PHF21B: variants seen among roughly 807,000 people sequenced by gnomAD.
The protein encoded by PHF21B is PHD finger protein 4.
A neutral mutation model predicts 62.2 loss-of-function variants in PHF21B; 22 were observed. That is an observed-to-expected ratio of 0.35 (90% CI 0.25 to 0.51). The LOEUF (loss-of-function observed/expected upper bound fraction) is 0.51, where lower values mean the gene tolerates loss of function less well. PHF21B is among the 20% of genes least tolerant of loss of function. The pLI, the probability that PHF21B is intolerant of heterozygous loss-of-function variation, is 0.97. For synonymous variants in PHF21B, 341 were observed against 314.7 expected (o/e 1.08, Z -0.88); for missense variants, 701 against 707.9 (o/e 0.99, Z 0.11).
At chr22:44,972,960 C>T (rs1298834807) in intron 2 of PHF21B, among the ~76,000 whole-genome samples, 2 of 152,188 alleles carry the variant, frequency 1.3e-5, no homozygotes, top group African/African-American at 4.8e-5. Flanking sequence ...GGCACACCCT[C>T]CCCGCCATGC....
At chr22:44,980,604 A>AAAT (rs1330030714) in intron 2 of PHF21B, among the ~76,000 whole-genome samples, 1 of 152,224 alleles carries the variant, frequency 6.6e-6, no homozygotes, top group Non-Finnish European at 1.5e-5. Flanking sequence ...AGCCACTGCC[A>AAAT]TCAGAGGCAA....
At chr22:44,953,679 G>A (rs58555150) in intron 2 of PHF21B, among the ~76,000 whole-genome samples, 6,884 of 152,244 alleles carry the variant, frequency 0.045, 509 homozygotes, top group African/African-American at 0.16. Context: ...GCTTCCAGGT[G>A]TGTGGGTGAG....
intron 2 of PHF21B, among the ~76,000 whole-genome samples, chr22:44,976,206 C>G (rs976929461): frequency 3.3e-5 from 5 of 152,208 alleles, no homozygotes; most frequent in African/African-American, 1.2e-4. Flanking sequence ...CACATAACTA[C>G]ATATTCATGG....
intron 2 of PHF21B, among the ~76,000 whole-genome samples, chr22:44,935,903 G>A (rs1302891129): frequency 2.6e-5 from 4 of 152,238 alleles, no homozygotes; most frequent in East Asian, 1.9e-4. Context: ...AACCTCGCAC[G>A]AACCCACTCT....
chr22:45,009,575 G>T lies in PHF21B; in HGVS notation c.-26C>A. 6.5e-7 allele frequency: 1 copy of T among 1,549,766 alleles called. No individual in the cohort carries two copies. The highest frequency in any genetic ancestry group is 8.6e-7 in the Non-Finnish European group (1 of 1,159,000). On this transcript the variant is annotated 5_prime_UTR_variant, in exon 1 of 13. Coordinates refer to ENST00000313237, the MANE Select transcript of PHF21B (RefSeq NM_138415.5). This position sits in a 1 kb window ranked among gnomAD's most constrained non-coding sequence, Gnocchi z 5.9. The stretch of plus-strand genomic sequence containing the variant: ...CCCGGCAACTTGGGCAGCACTTTGC[G>T]CTCACTTTGGCCCGGGCTCCCGGGA...
intron 2 of PHF21B, among the ~76,000 whole-genome samples, chr22:44,944,335 C>T (rs1318689901): frequency 1.3e-5 from 2 of 152,180 alleles, no homozygotes; most frequent in African/African-American, 4.8e-5. Flanking sequence ...CAGGAGCCAC[C>T]GCCCAGGAGC....
At position 44,982,136 on chromosome 22, in the gene PHF21B, C is replaced by T. The variant is rs548483597; in HGVS notation, c.120+26409G>A. Among the ~76,000 whole-genome samples, 4 of 152,344 alleles carry T rather than the reference C, an allele frequency of 2.6e-5. No individual in the cohort carries two copies. The East Asian group carries it at 7.7e-4, about 29-fold the overall frequency. On this transcript the variant is annotated intron_variant, in intron 2 of 12. Transcript: ENST00000313237. ...CTCTCCTGGTTCTGCCAGGACTGGC[C>T]CAGACTAAGTCACTTCTCCATTCTC...
chr22:44,932,823 A>G (rs1046930915), intron 2 of PHF21B, among the ~76,000 whole-genome samples: 1 of 152,210 alleles, frequency 6.6e-6, no homozygotes, highest in Non-Finnish European at 1.5e-5. Context: ...CCCCATCCCC[A>G]ACCCCTGGCC....
At position 44,966,318 on chromosome 22, in the gene PHF21B, A is replaced by C. The variant is rs371312282; in HGVS notation, c.120+42227T>G. ...GGAGTCTCCAGCCCCTTTTTGAGAG[A>C]AGTCTGAACCTTGTCGGGTGCAGGC... On this transcript the variant is annotated intron_variant, in intron 2 of 12. Transcript: ENST00000313237. 8.5e-5 allele frequency among the ~76,000 whole-genome samples: 13 copies of C among 152,314 alleles called. No individual in the cohort carries two copies. In the East Asian group the frequency reaches 2.5e-3, roughly 29 times the overall value.
In PHF21B at chr22:44,914,096, G is replaced by T; in HGVS notation, c.565-8C>A. On this transcript the variant is annotated splice_region_variant and splice_polypyrimidine_tract_variant and intron_variant, in intron 4 of 12. Coordinates refer to ENST00000313237, the MANE Select transcript of PHF21B (RefSeq NM_138415.5). ...GAGGAGGCGTGGAGGAGGCTGGAGA[G>T]CGAGGGTGAGGGGCACAGGGAGGAA... The T allele has an allele frequency of 2.3e-6, 2 of 867,134 alleles. No homozygotes were observed. The highest frequency in any genetic ancestry group is 1.8e-5 in the South Asian group (1 of 56,162). The allele number at this position is 867,134 out of a possible 1,614,324, so 53.7% of individuals were successfully genotyped here.
chr22:44,924,894 G>A (rs2071601289), intron 2 of PHF21B, among the ~76,000 whole-genome samples: 1 of 152,146 alleles, frequency 6.6e-6, no homozygotes, highest in Non-Finnish European at 1.5e-5. Context: ...GCACAAATGG[G>A]AAGCAACCCA....
intron 2 of PHF21B, among the ~76,000 whole-genome samples, chr22:44,991,184 G>A (rs2073037407): frequency 6.6e-6 from 1 of 152,180 alleles, no homozygotes; most frequent in Non-Finnish European, 1.5e-5. Context: ...GTGCACCAAG[G>A]GGATTAAGTT....
Position 44,956,822 on chromosome 22 carries a change from TG to T in PHF21B, c.121-36333del, listed in dbSNP as rs538707287. On this transcript the variant is annotated intron_variant, in intron 2 of 12. Transcript: ENST00000313237. ...AAGGGACAGAGGCCCCTCCACGCGG[TG>T]GGCTCTCCCTCCTCCTCCGACCTCC... Among the ~76,000 whole-genome samples the T allele has an allele frequency of 1.6e-3, 238 of 152,318 alleles. 1 individual carries two copies. The highest frequency in any genetic ancestry group is 1.9e-3 in the Non-Finnish European group (132 of 68,020).
At chr22:44,937,723 C>T (rs2071877527) in intron 2 of PHF21B, among the ~76,000 whole-genome samples, 1 of 152,240 alleles carries the variant, frequency 6.6e-6, no homozygotes. Flanking sequence ...CTGTGGGACC[C>T]CCACGCCACG....
At chr22:44,949,385 C>G (rs2072149614) in intron 2 of PHF21B, among the ~76,000 whole-genome samples, 1 of 151,814 alleles carries the variant, frequency 6.6e-6, no homozygotes, top group African/African-American at 2.4e-5. Flanking sequence ...GGCCCTGGCT[C>G]TATCTCTTTC....
intron 2 of PHF21B, among the ~76,000 whole-genome samples, chr22:44,923,150 T>C (rs1251780524): frequency 1.3e-5 from 2 of 152,112 alleles, no homozygotes; most frequent in Non-Finnish European, 2.9e-5. Context: ...AATAGATCAA[T>C]GGAACAGAAC....
intron 2 of PHF21B, among the ~76,000 whole-genome samples, chr22:44,940,389 T>G (rs1470488569): frequency 6.6e-6 from 1 of 152,248 alleles, no homozygotes; most frequent in East Asian, 1.9e-4. Context: ...CAGGCACCCC[T>G]TGTCCATGCA....
At chr22:44,915,485 C>A (rs574177739) in intron 4 of PHF21B, among the ~76,000 whole-genome samples, 2 of 152,360 alleles carry the variant, frequency 1.3e-5, no homozygotes, top group Admixed American at 1.3e-4. Context: ...GATACACCTG[C>A]CATCCCACCA....
rs755812077 is a variant in PHF21B at position 44,916,470 on chromosome 22, G to A, written c.374C>T (p.Ala125Val). Residue 125 changes from alanine (A) to valine (V), a missense_variant, in exon 4 of 13, where the codon GCG (alanine) becomes GTG (valine). Ala to Val is a moderately conservative substitution (Grantham distance 64). Transcript: ENST00000313237. Reference protein sequence around the residue: ...TANNTVSHVPAPGSQPQALAE... With the variant: ...TANNTVSHVPVPGSQPQALAE... ...GAGGGCCTGGGGCTGGCTGCCGGGC[G>A]CTGGCACATGGCTGACAGTGTTGTT... 1.5e-5 allele frequency: 24 copies of A among 1,604,742 alleles called. No homozygotes were observed. The highest frequency in any genetic ancestry group is 4.5e-5 in the East Asian group (2 of 44,808).
Sources: gnomAD v4.1 joint callset for allele counts (sites outside exome capture counted in the v4.1 genomes callset) on GRCh38, gnomAD v4.1.1 for gene constraint, Gnocchi (gnomAD v3.1) non-coding constraint, MANE v1.5 for transcripts, NCBI Gene and HGNC (gene_info 2026-07-23, HGNC 2026-07-21) for gene names.